Variants in ATF7IP observed in about 807,000 individuals in gnomAD.
ATF7IP encodes activating transcription factor 7-interacting protein 1.
Under a neutral mutation model 106.4 loss-of-function variants are expected in ATF7IP, and 23 were observed. The observed-to-expected ratio is 0.22, with a 90% CI of 0.16 to 0.31. The LOEUF (loss-of-function observed/expected upper bound fraction) is 0.31. Ranked by LOEUF, ATF7IP falls within the 10% of genes least tolerant of loss-of-function variation. The pLI is 1.00. For missense variants in ATF7IP, 1,334 were observed against 1,524.3 expected (o/e 0.88, Z 2.08); for synonymous variants, 542 against 539.0 (o/e 1.01, Z -0.08).
chr12:14,435,802 T>C (rs1331276785), intron 3 of ATF7IP, among the ~76,000 whole-genome samples: 1 of 152,228 alleles, frequency 6.6e-6, no homozygotes, highest in Non-Finnish European at 1.5e-5. Context: ...GAATATGAGA[T>C]GATTTCATCT....
chr12:14,469,178 C>A (rs779948466), intron 10 of ATF7IP, among the ~76,000 whole-genome samples: 42 of 151,882 alleles, frequency 2.8e-4, no homozygotes, highest in Non-Finnish European at 4.4e-4. Flanking sequence ...CGAGACCAGG[C>A]TGGCCAACAT....
chr12:14,425,598 T>C (rs1290120965), intron 2 of ATF7IP, 125 bp downstream of exon 2: 8 of 927,496 alleles, frequency 8.6e-6, no homozygotes, highest in Non-Finnish European at 1.2e-5. Context: ...GATGACTCTA[T>C]AGAAAGATGT....
At chr12:14,484,758 C>T (rs988219223) in intron 13 of ATF7IP, among the ~76,000 whole-genome samples, 8 of 152,170 alleles carry the variant, frequency 5.3e-5, no homozygotes, top group African/African-American at 1.9e-4. Flanking sequence ...GAGCCACTTC[C>T]TCATGTAAAT....
intron 5 of ATF7IP, among the ~76,000 whole-genome samples, chr12:14,439,004 T>C (rs1942564854): frequency 6.6e-6 from 1 of 152,236 alleles, no homozygotes; most frequent in Non-Finnish European, 1.5e-5. Flanking sequence ...GTGGACCTTA[T>C]GTTTTAAAGA....
intron 6 of ATF7IP, among the ~76,000 whole-genome samples, chr12:14,451,553 A>G (rs1229458683): frequency 1.3e-5 from 2 of 149,098 alleles, no homozygotes; most frequent in East Asian, 3.9e-4. Flanking sequence ...ACAATTTATT[A>G]TATTTTGTTT....
chr12:14,472,387 A>T (rs1300928203), intron 10 of ATF7IP, among the ~76,000 whole-genome samples: 1 of 152,220 alleles, frequency 6.6e-6, no homozygotes, highest in Non-Finnish European at 1.5e-5. Flanking sequence ...AAATTATACT[A>T]ATTAGCAATC....
chr12:14,482,250 C>G (rs563336694), intron 13 of ATF7IP: 1 of 152,240 alleles, frequency 6.6e-6, no homozygotes, highest in African/African-American at 2.4e-5. Flanking sequence ...AAATTGATAT[C>G]ATTTAAACAT....
rs911068040 is a variant in ATF7IP, at chr12:14,496,080, G to A, written c.3281-151G>A. 7.3e-6 allele frequency: 4 copies of A among 549,006 alleles called. No homozygotes were observed. The African/African-American group carries it at 7.7e-5, about 11-fold the overall frequency. The allele number at this position is 549,006 out of a possible 1,614,324, so 34.0% of individuals were successfully genotyped here. A position where few individuals can be genotyped will look rare whatever the true frequency, so the allele number is the denominator to read the frequency against. ...TATCCACAGGCTGATTGATAGCTTG[G>A]CTGAATACGAACAGGACCTCTAGGT... is the stretch of plus-strand genomic sequence containing the variant. On this transcript the variant is annotated intron_variant, in intron 13 of 14. Transcript: ENST00000261168.
intron 9 of ATF7IP, among the ~76,000 whole-genome samples, chr12:14,465,690 C>T (rs1036880173): frequency 2.3e-4 from 35 of 152,012 alleles, no homozygotes; most frequent in African/African-American, 7.2e-4. Context: ...TTTAGACATA[C>T]AGACTTATAT....
intron 1 of ATF7IP, among the ~76,000 whole-genome samples, chr12:14,403,062 A>G (rs1940348212): frequency 6.6e-6 from 1 of 152,104 alleles, no homozygotes; most frequent in African/African-American, 2.4e-5. Flanking sequence ...TTTAAGAGAA[A>G]TATCTGTGGT....
rs1192379694 is a variant in ATF7IP, at chr12:14,410,119, C to T, written c.-7-13790C>T. 3.9e-5 allele frequency among the ~76,000 whole-genome samples: 6 copies of T among 152,114 alleles called. No individual in the cohort carries two copies. In the East Asian group the frequency reaches 1.2e-3, roughly 29 times the overall value. The stretch of plus-strand genomic sequence containing the variant: ...CCAACCCTAGGCAATTGGTAAGCCA[C>T]TTTCTGTCTGTATAGATATAGATTT... On this transcript the variant is annotated intron_variant, in intron 1 of 14. Coordinates refer to ENST00000261168, the MANE Select transcript of ATF7IP (RefSeq NM_018179.5).
At chr12:14,390,741 T>G (rs530394857) in intron 1 of ATF7IP, among the ~76,000 whole-genome samples, 2 of 152,362 alleles carry the variant, frequency 1.3e-5, no homozygotes, top group South Asian at 4.1e-4. Flanking sequence ...CAAACTTTAT[T>G]TTTGTTGAAA....
intron 1 of ATF7IP, among the ~76,000 whole-genome samples, chr12:14,422,494 A>G (rs1200049951): frequency 6.6e-6 from 1 of 152,148 alleles, no homozygotes; most frequent in Non-Finnish European, 1.5e-5. Flanking sequence ...ACCATAATCA[A>G]TGTTAGAACA....
chr12:14,475,669 G>A (rs551304211), intron 10 of ATF7IP, among the ~76,000 whole-genome samples: 157 of 152,148 alleles, frequency 1.0e-3, no homozygotes, highest in African/African-American at 3.6e-3. Context: ...AAAACGTCTT[G>A]AATTTCTTTT....
chr12:14,484,067 G>T (rs752857332), intron 13 of ATF7IP, among the ~76,000 whole-genome samples: 4 of 152,076 alleles, frequency 2.6e-5, no homozygotes, highest in Non-Finnish European at 4.4e-5. Context: ...GATGGAAGAG[G>T]TCCAGTATAA....
intron 1 of ATF7IP, among the ~76,000 whole-genome samples, chr12:14,372,338 A>G (rs547860268): frequency 1.8e-4 from 28 of 152,226 alleles, no homozygotes; most frequent in Admixed American, 5.9e-4. Context: ...ACTTTCAGTT[A>G]AGAATAAGTA....
intron 13 of ATF7IP, among the ~76,000 whole-genome samples, chr12:14,492,092 G>T (rs190248388): frequency 1.3e-5 from 2 of 152,174 alleles, no homozygotes; most frequent in Non-Finnish European, 2.9e-5. Context: ...AGCCAATGTG[G>T]TGGTTCTGCC....
chr12:14,472,120 AT>A, intron 10 of ATF7IP, among the ~76,000 whole-genome samples: 1 of 51,824 alleles, frequency 1.9e-5, no homozygotes, highest in South Asian at 6.6e-4. Context: ...ATAGTGTAGT[AT>A]TTTAAGGACA....
At chr12:14,494,490 T>G (rs1410492259) in intron 13 of ATF7IP, among the ~76,000 whole-genome samples, 2 of 146,538 alleles carry the variant, frequency 1.4e-5, no homozygotes, top group Non-Finnish European at 3.0e-5. Flanking sequence ...ACATATAAAC[T>G]AATTGTATAT....
Sources: allele counts gnomAD v4.1 joint callset (sites outside exome capture counted in the v4.1 genomes callset), GRCh38; gene constraint gnomAD v4.1.1; transcripts MANE v1.5; gene names NCBI Gene and HGNC (gene_info 2026-07-23, HGNC 2026-07-21).